The following MXRA5 variants were observed in gnomAD, a reference collection of about 807,000 sequenced individuals.
MXRA5 encodes matrix-remodeling-associated protein 5.
MXRA5 carries 41 observed loss-of-function variants against 112.5 expected under a neutral mutation model. The observed-to-expected ratio is 0.36, with a 90% CI of 0.28 to 0.47. The LOEUF (loss-of-function observed/expected upper bound fraction) is 0.47, where lower values mean the gene tolerates loss of function less well. MXRA5 is among the 20% of genes least tolerant of loss of function. MXRA5 has a pLI of 0.99. For missense variants in MXRA5, 2,150 were observed against 2,251.0 expected (o/e 0.96, Z 0.91); for synonymous variants, 862 against 900.8 (o/e 0.96, Z 0.77).
At position 3,317,511 on chromosome X, in the gene MXRA5, A is replaced by G; in HGVS notation, c.6170T>C (p.Ile2057Thr). 8.3e-7 allele frequency: 1 copy of G among 1,202,558 alleles called. No homozygotes were observed. The highest frequency in any genetic ancestry group is 1.1e-6 in the Non-Finnish European group (1 of 891,310). Residue 2057 changes from isoleucine to threonine, a missense_variant, in exon 6 of 7, where the codon ATC (isoleucine) becomes ACC (threonine). Ile to Thr is a moderately conservative substitution (Grantham distance 89, BLOSUM62 -1). Coordinates refer to ENST00000217939, the MANE Select transcript of MXRA5 (RefSeq NM_015419.4). ...AATGCTGAGCCCCGGGGGCAGCGAG[A>G]TGTTCTCCAGCTTCTCCTGGTGGAT... ...PVIHQEKLEN[I>T]SLPPGLSIHI... is the part of the protein sequence containing the mutation.
chrX:3,329,087 AGGG>A (rs1202014660), intron 4 of MXRA5, among the ~76,000 whole-genome samples: 16 of 94,937 alleles, frequency 1.7e-4, no homozygotes, highest in Non-Finnish European at 2.7e-4. Flanking sequence ...GGAGAGGAGG[AGGG>A]AATGAAGGAA....
chrX:3,337,168 C>T (rs778045386), intron 2 of MXRA5, among the ~76,000 whole-genome samples: 4 of 111,923 alleles, frequency 3.6e-5, no homozygotes, highest in South Asian at 3.8e-4. Context: ...AACAAAGGGA[C>T]GTTTGGGCAT....
At position 3,311,201 on chromosome X, in the gene MXRA5, C is replaced by A; in HGVS notation, c.7002G>T (p.Glu2334Asp). The change falls in exon 7 of 7, where the codon GAG becomes GAT. Residue 2334 changes from glutamate (E) to aspartate (D), a missense_variant. Glu to Asp is a conservative substitution (Grantham distance 45). Around this residue, in one of 6 missense-constraint regions of MXRA5, gnomAD observed 1,485 missense variants for 1,471.6 expected, o/e 1.01. Coordinates refer to ENST00000217939, the MANE Select transcript of MXRA5 (RefSeq NM_015419.4). The part of the protein sequence containing the change: ...CFAENQVGKD[E>D]MRVRVKVVTA... ...TCACCACCTTGACTCTGACTCTCAT[C>A]TCGTCCTTCCCGACCTGATTTTCAG... The A allele has an allele frequency of 8.3e-7, 1 of 1,211,902 alleles. No homozygotes were observed. The highest frequency in any genetic ancestry group is 1.1e-6 in the Non-Finnish European group (1 of 895,615).
intron 2 of MXRA5, among the ~76,000 whole-genome samples, chrX:3,336,928 T>C (rs1050419419): frequency 3.6e-5 from 4 of 112,135 alleles, no homozygotes; most frequent in Admixed American, 2.8e-4. Flanking sequence ...TTGAGCTTTG[T>C]GTGTCTGCAA....
In MXRA5 at chrX:3,346,502, C is replaced by T. The variant is rs1229024294; in HGVS notation, c.-29+13G>A. 1.3e-6 allele frequency: 1 copy of T among 754,649 alleles called. No individual in the cohort carries two copies. Among genetic ancestry groups the T allele is most frequent in the Non-Finnish European group, 1.6e-6 (1 of 639,320 alleles). 62.2% of individuals were successfully genotyped at this position (754,649 alleles called of 1,213,427 possible). A position where few individuals can be genotyped will look rare whatever the true frequency, so the allele number is the denominator to read the frequency against. On this transcript the variant is annotated intron_variant, in intron 1 of 6. Coordinates refer to ENST00000217939, the MANE Select transcript of MXRA5 (RefSeq NM_015419.4). ...GGCAGCCCTGGGGCGCCCTGGCCAC[C>T]CTGGGTCCTCACCTGTCCTTGGGAA... is the stretch of plus-strand genomic sequence containing the variant.
In MXRA5 at chrX:3,317,188, T is replaced by G; in HGVS notation, c.6493A>C (p.Lys2165Gln). ...RTDVRYGGTL[K>Q]LDCSASGDPW... The stretch of plus-strand genomic sequence containing the variant: ...TCCCCCGAGGCGCTGCAGTCCAGCT[T>G]GAGGGTTCCTCCGTACCTGACGTCC... The change falls in exon 6 of 7, where the codon AAG becomes CAG. Residue 2165 changes from lysine (K) to glutamine (Q), a missense_variant. Lys to Gln is a moderately conservative substitution (Grantham distance 53, BLOSUM62 1). Coordinates refer to ENST00000217939, the MANE Select transcript of MXRA5 (RefSeq NM_015419.4). The G allele has an allele frequency of 8.3e-7, 1 of 1,209,914 alleles. No individual in the cohort carries two copies. The highest frequency in any genetic ancestry group is 1.1e-6 in the Non-Finnish European group (1 of 894,854).
rs760533583 is a variant in MXRA5 at position 3,317,653 on chromosome X, G to C, written c.6028C>G (p.Leu2010Val). 2 of 1,205,892 alleles carry C rather than the reference G, an allele frequency of 1.7e-6. No individual in the cohort carries two copies. Reference sequence around the variant, plus strand: ...GAGAAGGACGCCTCCTTGATGGAAAGGGTCCGGTTTTCGTGCAGGGTGATG... The same window carrying C: ...GAGAAGGACGCCTCCTTGATGGAAACGGTCCGGTTTTCGTGCAGGGTGATG... Reference protein sequence around the residue: ...GRITLHENRTLSIKEASFSDR... With the variant: ...GRITLHENRTVSIKEASFSDR... The change falls in exon 6 of 7, where the codon CTT becomes GTT. Residue 2010 changes from leucine (L) to valine (V), a missense_variant. By Grantham distance (32) the Leu-to-Val change is conservative (BLOSUM62 1). This residue lies in a region of MXRA5 where 1,485 missense variants were observed against 1,471.6 expected (regional missense o/e 1.01). Coordinates refer to ENST00000217939, the MANE Select transcript of MXRA5 (RefSeq NM_015419.4).
chrX:3,314,120 C>T (rs779013869), intron 6 of MXRA5, among the ~76,000 whole-genome samples: 3 of 112,324 alleles, frequency 2.7e-5, no homozygotes, highest in Non-Finnish European at 5.6e-5. Flanking sequence ...CAGGGGTTCT[C>T]CACCATTGCA....
chrX:3,333,498 T>G lies in MXRA5; in HGVS notation c.189-2725A>C, dbSNP rs776145645. 5.5e-5 allele frequency among the ~76,000 whole-genome samples: 6 copies of G among 110,076 alleles called. No individual in the cohort carries two copies. The South Asian group carries it at 2.0e-3, about 36-fold the overall frequency. Reference sequence around the variant, plus strand: ...TTAAATATTCCACAAGCAAACACAGTGACAACAACAATAATGTCCCCTTTA... The same window carrying G: ...TTAAATATTCCACAAGCAAACACAGGGACAACAACAATAATGTCCCCTTTA... On this transcript the variant is annotated intron_variant, in intron 2 of 6. Transcript: ENST00000217939.
chrX:3,329,176 AGGAAGG>A (rs1167260882), intron 4 of MXRA5, among the ~76,000 whole-genome samples: 34 of 90,517 alleles, frequency 3.8e-4, no homozygotes, highest in South Asian at 6.5e-4. Flanking sequence ...GAAGGAAGGA[AGGAAGG>A]AAAAAATGAA....
At chrX:3,335,784 G>A (rs1385928171) in intron 2 of MXRA5, among the ~76,000 whole-genome samples, 2 of 112,443 alleles carry the variant, frequency 1.8e-5, no homozygotes, top group Non-Finnish European at 3.8e-5. Context: ...TTGATTTTCT[G>A]CAAAATCACT....
In MXRA5 at chrX:3,324,271, G is replaced by A. The variant is rs750435031; in HGVS notation, c.1414C>T (p.Arg472Trp). 39 of 1,209,810 alleles carry A rather than the reference G, an allele frequency of 3.2e-5. No individual in the cohort carries two copies. Among genetic ancestry groups the A allele is most frequent in the Middle Eastern group, 2.3e-4 (1 of 4,374 alleles). Residue 472 changes from arginine (R) to tryptophan (W), a missense_variant, in exon 5 of 7, where the codon CGG (arginine) becomes TGG (tryptophan). This residue lies in a region of MXRA5 where 386 missense variants were observed against 411.0 expected (regional missense o/e 0.94). Transcript: ENST00000217939. ...TISTKDTRQA[R>W]GRSWVMIEPS... Reference sequence around the variant, plus strand: ...TCAATCATTACCCAGCTTCTGCCCCGAGCCTGCCTTGTATCTTTGGTGGAT... The same window carrying A: ...TCAATCATTACCCAGCTTCTGCCCCAAGCCTGCCTTGTATCTTTGGTGGAT...
At chrX:3,328,664 G>A (rs1222297327) in intron 4 of MXRA5, among the ~76,000 whole-genome samples, 1 of 109,669 alleles carries the variant, frequency 9.1e-6, no homozygotes, top group Non-Finnish European at 1.9e-5. Context: ...CTGTGAGGAT[G>A]GAGTTGAGGA....
rs755273194 is a variant in MXRA5, at chrX:3,321,059, G to T, written c.4626C>A (p.Thr1542=). 1.6e-5 allele frequency: 19 copies of T among 1,210,097 alleles called. No homozygotes were observed. The highest frequency in any genetic ancestry group is 2.0e-5 in the Non-Finnish European group (18 of 895,267). The change falls in exon 5 of 7, where the codon ACC becomes ACA. Residue 1542 remains threonine, a synonymous_variant. Coordinates refer to ENST00000217939, the MANE Select transcript of MXRA5 (RefSeq NM_015419.4). The part of the protein sequence containing the change: ...NYVGNPETEA[T]PVNNEGTQHM... ...GCTGTGTTCCTTCATTGTTCACTGGGGTTGCTTCTGTTTCTGGATTCCCCA... is the reference window on the plus strand; with the variant it reads ...GCTGTGTTCCTTCATTGTTCACTGGTGTTGCTTCTGTTTCTGGATTCCCCA...
chrX:3,316,764 C>T (rs1214313521), intron 6 of MXRA5, among the ~76,000 whole-genome samples: 5 of 109,087 alleles, frequency 4.6e-5, no homozygotes, highest in Admixed American at 9.7e-5. Flanking sequence ...GCAACCTCCA[C>T]CTCCCGGGTT....
At chrX:3,334,625 A>G (rs1921743262) in intron 2 of MXRA5, among the ~76,000 whole-genome samples, 1 of 112,216 alleles carries the variant, frequency 8.9e-6, no homozygotes, top group Non-Finnish European at 1.9e-5. Context: ...AATAATGAGC[A>G]ATATGTTATA....
chrX:3,332,868 C>G (rs781090228), intron 2 of MXRA5, among the ~76,000 whole-genome samples: 2 of 111,599 alleles, frequency 1.8e-5, no homozygotes, highest in South Asian at 7.5e-4. Context: ...TATGTGTGTA[C>G]CTTATGAACA....
chrX:3,323,230 G>A lies in MXRA5; in HGVS notation c.2455C>T (p.Pro819Ser), dbSNP rs759090802. The A allele has an allele frequency of 8.3e-7, 1 of 1,211,609 alleles. No individual in the cohort carries two copies. The highest frequency in any genetic ancestry group is 1.8e-5 in the South Asian group (1 of 56,968). Residue 819 changes from proline (P) to serine (S), a missense_variant, in exon 5 of 7, where the codon CCA becomes TCA. Around this residue, in one of 6 missense-constraint regions of MXRA5, gnomAD observed 1,485 missense variants for 1,471.6 expected, o/e 1.01. Coordinates refer to ENST00000217939, the MANE Select transcript of MXRA5 (RefSeq NM_015419.4). ...GGGGGAGAAATAGCAGGAAAAGGTG[G>A]TGTGACTTCTAGACTCAAGGATGGA... ...SPPSLSLEVT[P>S]PFPAISPPSA...
chrX:3,345,997 A>G (rs1922099807), intron 1 of MXRA5, among the ~76,000 whole-genome samples: 1 of 112,279 alleles, frequency 8.9e-6, no homozygotes, highest in Non-Finnish European at 1.9e-5. Flanking sequence ...AAGCCTGGGT[A>G]AGAGTAGGAG....
Sources: gnomAD v4.1 joint callset for allele counts (sites outside exome capture counted in the v4.1 genomes callset) on GRCh38, gnomAD v4.1.1 for gene constraint, gnomAD v4.1.1 regional missense constraint, MANE v1.5 for transcripts, NCBI Gene and HGNC (gene_info 2026-07-23, HGNC 2026-07-21) for gene names.